Variants in ROCK1 observed in about 807,000 individuals in gnomAD.
ROCK1 encodes the protein Rho associated coiled-coil containing protein kinase 1.
ROCK1 carries 36 observed loss-of-function variants against 196.8 expected under a neutral mutation model. That is an observed-to-expected ratio of 0.18 (90% confidence interval 0.14 to 0.24). The LOEUF is 0.24. Ranked by LOEUF, ROCK1 falls within the 10% of genes least tolerant of loss-of-function variation. The pLI, the probability that ROCK1 is intolerant of heterozygous loss-of-function variation, is 1.00. For missense variants in ROCK1, 920 were observed against 1,562.0 expected (o/e 0.59, Z 6.93); for synonymous variants, 443 against 515.9 (o/e 0.86, Z 1.91).
Position 20,982,750 on chromosome 18 carries a change from G to C in ROCK1, c.2559+13C>G. 7.2e-7 allele frequency: 1 copy of C among 1,381,938 alleles called. No individual in the cohort carries two copies. The highest frequency in any genetic ancestry group is 1.0e-6 in the Non-Finnish European group (1 of 974,646). The allele number at this position is 1,381,938 out of a possible 1,614,324, so 85.6% of individuals were successfully genotyped here. On this transcript the variant is annotated intron_variant, in intron 21 of 32. Coordinates refer to ENST00000399799, the MANE Select transcript of ROCK1 (RefSeq NM_005406.3). ...TTGAAACAGTGTGTATGTTAAAAAT[G>C]ATTCTCACTTACCGAGAAATATTGC...
Position 20,991,297 on chromosome 18 carries a change from G to A in ROCK1, c.2022C>T (p.Asn674=). ...GTTGTTGTAATGATTTAAGTTTGTA[G>A]TTTAAATCTATCTCTAAATTATTCT... ...KEKNNLEIDL[N]YKLKSLQQRL... The change falls in exon 18 of 33, where the codon AAC becomes AAT. Residue 674 remains asparagine (N), a synonymous_variant. Transcript: ENST00000399799. 1.2e-6 allele frequency: 2 copies of A among 1,601,768 alleles called. No individual in the cohort carries two copies. Among genetic ancestry groups the A allele is most frequent in the Admixed American group, 3.4e-5 (2 of 58,908 alleles).
intron 10 of ROCK1, among the ~76,000 whole-genome samples, chr18:21,028,184 G>A (rs1227958204): frequency 3.3e-5 from 5 of 151,310 alleles, no homozygotes; most frequent in Admixed American, 1.3e-4. Flanking sequence ...TTGGGAGGCC[G>A]AGGCAGGCAG....
chr18:21,004,015 A>G (rs901238883), intron 16 of ROCK1, among the ~76,000 whole-genome samples: 3 of 152,186 alleles, frequency 2.0e-5, no homozygotes, highest in Non-Finnish European at 2.9e-5. Flanking sequence ...AAGCTTATCA[A>G]TTCAGTTAAA....
chr18:21,026,508 A>G (rs1272928703), intron 10 of ROCK1, among the ~76,000 whole-genome samples: 1 of 151,044 alleles, frequency 6.6e-6, no homozygotes, highest in African/African-American at 2.4e-5. Context: ...GCTCTTCTGT[A>G]TATGTATGTT....
chr18:21,023,538 T>C, intron 11 of ROCK1, 82 bp downstream of exon 11: 1 of 706,590 alleles, frequency 1.4e-6, no homozygotes, highest in Non-Finnish European at 2.2e-6. Flanking sequence ...AAACAATATA[T>C]AAATTTACTA....
intron 10 of ROCK1, among the ~76,000 whole-genome samples, chr18:21,028,259 T>C (rs2035977686): frequency 6.6e-6 from 1 of 150,878 alleles, no homozygotes; most frequent in Non-Finnish European, 1.5e-5. Context: ...CTACTAAAAA[T>C]ACAAAAATTA....
intron 1 of ROCK1, among the ~76,000 whole-genome samples, chr18:21,075,854 G>T (rs1399040995): frequency 6.6e-6 from 1 of 151,624 alleles, no homozygotes; most frequent in Non-Finnish European, 1.5e-5. Flanking sequence ...TCAGGAGGCT[G>T]AGACAGGAGA....
At chr18:21,045,175 A>G (rs2036145075) in intron 5 of ROCK1, 117 bp downstream of exon 5, 1 of 945,266 alleles carries the variant, frequency 1.1e-6, no homozygotes, top group Admixed American at 3.2e-5. Context: ...TTGAGTTCTG[A>G]AAGGTCACTT....
At position 21,110,997 on chromosome 18, in the gene ROCK1, C is replaced by A. The variant is rs2036746507; in HGVS notation, c.-87G>T. The A allele has an allele frequency of 8.7e-7, 1 of 1,153,960 alleles. No homozygotes were observed. The highest frequency in any genetic ancestry group is 1.3e-6 in the Non-Finnish European group (1 of 775,694). The allele number at this position is 1,153,960 out of a possible 1,614,324, so 71.5% of individuals were successfully genotyped here. ...ACTTCCTCCGCGGTGGGTTCGCAGC[C>A]GCGGGGCGGAGGAGCCGGAACCTCA... is the stretch of plus-strand genomic sequence containing the variant. On this transcript the variant is annotated 5_prime_UTR_variant, in exon 1 of 33. Coordinates refer to ENST00000399799, the MANE Select transcript of ROCK1 (RefSeq NM_005406.3).
chr18:20,981,591 T>C (rs2035533972), intron 21 of ROCK1, among the ~76,000 whole-genome samples: 1 of 152,194 alleles, frequency 6.6e-6, no homozygotes, highest in African/African-American at 2.4e-5. Context: ...TTCTGATGTC[T>C]ATTTCTTTTT....
intron 2 of ROCK1, among the ~76,000 whole-genome samples, chr18:21,059,358 T>C (rs902558364): frequency 6.6e-6 from 1 of 152,212 alleles, no homozygotes; most frequent in Admixed American, 6.5e-5. Context: ...ATGACTCCCT[T>C]CTCTGGGACA....
rs558506020 is a variant in ROCK1, at chr18:21,047,793, G to A, written c.414+1299C>T. Among the ~76,000 whole-genome samples, 8 of 147,032 alleles carry A rather than the reference G, an allele frequency of 5.4e-5. 1 individual carries two copies. The highest frequency in any genetic ancestry group is 2.0e-4 in the East Asian group (1 of 5,018). On this transcript the variant is annotated intron_variant, in intron 4 of 32. Transcript: ENST00000399799. ...GGCCTGGGCGACAGAGCGAGACTCC[G>A]TCTCAAAAAAAAAAAAAAAGTGCTA...
intron 1 of ROCK1, 27 bp downstream of exon 1, chr18:21,110,791 C>T (rs1399675723): frequency 1.3e-6 from 2 of 1,588,752 alleles, no homozygotes; most frequent in Non-Finnish European, 8.6e-7. Flanking sequence ...AAACCCCAGA[C>T]AAGCAAAAGA....
In ROCK1 at chr18:20,979,937, T is replaced by C; in HGVS notation, c.2627A>G (p.Lys876Arg). The change falls in exon 22 of 33, where the codon AAG becomes AGG. Residue 876 changes from lysine (K) to arginine (R), a missense_variant. This residue lies in a region of ROCK1 where 520 missense variants were observed against 657.1 expected (regional missense o/e 0.79). Coordinates refer to ENST00000399799, the MANE Select transcript of ROCK1 (RefSeq NM_005406.3). ...EIEEKNRENL[K>R]KIQELQNEKE... ...TTCATTTTGTAGTTCCTGTATTTTC[T>C]TTAAATTTTCTCTGTTTTTTTCTTC... is the stretch of plus-strand genomic sequence containing the variant. 6.5e-7 allele frequency: 1 copy of C among 1,544,078 alleles called. No individual in the cohort carries two copies. Among genetic ancestry groups the C allele is most frequent in the South Asian group, 1.2e-5 (1 of 82,174 alleles).
At chr18:21,101,249 A>T (rs1157426137) in intron 1 of ROCK1, among the ~76,000 whole-genome samples, 4 of 152,220 alleles carry the variant, frequency 2.6e-5, no homozygotes, top group Non-Finnish European at 5.9e-5. Flanking sequence ...GCTATTCCCT[A>T]ATGAAATAAC....
intron 2 of ROCK1, among the ~76,000 whole-genome samples, chr18:21,051,922 T>C (rs1301343667): frequency 3.3e-5 from 5 of 152,186 alleles, no homozygotes. Flanking sequence ...GGAAAACTAC[T>C]CTAGGAAATA....
At chr18:21,046,067 C>T (rs1339965949) in intron 4 of ROCK1, among the ~76,000 whole-genome samples, 1 of 151,954 alleles carries the variant, frequency 6.6e-6, no homozygotes. Flanking sequence ...CCCGCTACCA[C>T]GCCCGGCTAA....
chr18:21,005,169 A>G (rs1250226679), intron 16 of ROCK1, among the ~76,000 whole-genome samples: 1 of 152,244 alleles, frequency 6.6e-6, no homozygotes, highest in African/African-American at 2.4e-5. Flanking sequence ...AGGTAAAGCC[A>G]GGAATCTTTT....
At chr18:21,094,624 C>G (rs947782424) in intron 1 of ROCK1, among the ~76,000 whole-genome samples, 1 of 151,640 alleles carries the variant, frequency 6.6e-6, no homozygotes, top group Non-Finnish European at 1.5e-5. Flanking sequence ...TGGCACGCAC[C>G]TGTAGTCCCA....
Sources: allele counts gnomAD v4.1 joint callset (sites outside exome capture counted in the v4.1 genomes callset), GRCh38; gene constraint gnomAD v4.1.1; regional missense constraint gnomAD v4.1.1; transcripts MANE v1.5; gene names NCBI Gene and HGNC (gene_info 2026-07-23, HGNC 2026-07-21).